UBR2: variants seen among roughly 807,000 people sequenced by gnomAD.
UBR2 encodes E3 ubiquitin-protein ligase UBR2.
UBR2 carries 92 observed loss-of-function variants against 247.9 expected under a neutral mutation model. That is an observed-to-expected ratio of 0.37 (90% CI 0.31 to 0.44). The LOEUF is 0.44. Among genes scored for constraint, UBR2 ranks in the 20% least tolerant of loss-of-function variants. UBR2 has a pLI of 1.00. For synonymous variants in UBR2, 672 were observed against 693.5 expected, an observed-to-expected ratio of 0.97 and a Z score of 0.49; for missense variants, 1,613 against 2,112.6, an observed-to-expected ratio of 0.76 and a Z score of 4.64.
chr6:42,668,157 G>C (rs566366164), intron 34 of UBR2, among the ~76,000 whole-genome samples: 3 of 152,188 alleles, frequency 2.0e-5, no homozygotes, highest in East Asian at 3.9e-4. Context: ...CAGTCAGGAG[G>C]GGGCACAGCT....
intron 1 of UBR2, among the ~76,000 whole-genome samples, chr6:42,573,077 T>C (rs1036204839): frequency 2.6e-5 from 4 of 152,110 alleles, no homozygotes; most frequent in Non-Finnish European, 5.9e-5. Flanking sequence ...CATTCAGTTA[T>C]TGAGTTGGTA....
At chr6:42,566,725 G>T (rs1336178166) in intron 1 of UBR2, among the ~76,000 whole-genome samples, 1 of 149,936 alleles carries the variant, frequency 6.7e-6, no homozygotes, top group Admixed American at 6.6e-5. Flanking sequence ...TGAACAATAA[G>T]TTTTTTTTTT....
chr6:42,688,340 A>G lies in UBR2; in HGVS notation c.4978A>G (p.Thr1660Ala), dbSNP rs775043466. 2 of 1,613,854 alleles carry G rather than the reference A, an allele frequency of 1.2e-6. No individual in the cohort carries two copies. The highest frequency in any genetic ancestry group is 2.2e-5 in the South Asian group (2 of 91,066). Residue 1660 changes from threonine (T) to alanine (A), a missense_variant, in exon 45 of 47, where the codon ACA (threonine) becomes GCA (alanine). Physicochemically the swap from Thr to Ala is moderately conservative, Grantham distance 58. Transcript: ENST00000372901. ...ELEGEDVGAC[T>A]AHTYSCGSGV... ...GGAAGGGGAGGATGTAGGAGCCTGC[A>G]CAGCTCACACCTACTCCTGTGGCTC...
intron 5 of UBR2, among the ~76,000 whole-genome samples, chr6:42,605,019 C>G (rs910190288): frequency 2.6e-5 from 4 of 151,352 alleles, no homozygotes; most frequent in Non-Finnish European, 5.9e-5. Flanking sequence ...AGAGTGAGAC[C>G]CTATCTCAAA....
intron 36 of UBR2, 137 bp downstream of exon 36, chr6:42,670,852 T>G (rs1344917943): frequency 1.6e-6 from 1 of 640,580 alleles, no homozygotes; most frequent in Non-Finnish European, 2.6e-6. Flanking sequence ...TCTGTAAGGA[T>G]ATTAAAAAGT....
In UBR2 at chr6:42,631,863, TATATATATA is replaced by T. The variant is rs1562332954; in HGVS notation, c.1282-688_1282-680del. Among the ~76,000 whole-genome samples the T allele has an allele frequency of 5.2e-3, 465 of 89,790 alleles. 2 individuals carry two copies. The highest frequency in any genetic ancestry group is 0.011 in the Admixed American group (112 of 9,884). 58.9% of individuals were successfully genotyped at this position (89,790 alleles called of 152,430 possible). On this transcript the variant is annotated intron_variant, in intron 11 of 46. Transcript: ENST00000372901. ...TTATGTAGTATATACTCTGATTTTA[TATATATATA>T]TATATATATATATATATAAATACAG...
rs554509300 is a variant in UBR2 at position 42,683,062 on chromosome 6, C to T, written c.4726C>T (p.Arg1576Cys). The T allele has an allele frequency of 3.2e-5, 52 of 1,611,714 alleles. No homozygotes were observed. Among genetic ancestry groups the T allele is most frequent in the Middle Eastern group, 3.4e-4 (2 of 5,956 alleles). ...CCTCTGTTTACATTAAAGTTGGTGC[C>T]GTAACAGTGAAGTTAAAAGATATCT... is the stretch of plus-strand genomic sequence containing the variant. ...IMNSLIESWC[R>C]NSEVKRYLEG... Residue 1576 changes from arginine (R) to cysteine (C), a missense_variant, in exon 43 of 47, where the codon CGT (arginine) becomes TGT (cysteine). Coordinates refer to ENST00000372901, the MANE Select transcript of UBR2 (RefSeq NM_001363705.2).
rs1334265902 is a variant in UBR2, at chr6:42,665,484, G to T, written c.3774G>T (p.Gln1258His). Reference sequence around the variant, plus strand: ...TATCTCAGCAAATAAAAGCATTACAGTTTCTTAGGAAAGAAGAAAGTACTC... The same window carrying T: ...TATCTCAGCAAATAAAAGCATTACATTTTCTTAGGAAAGAAGAAAGTACTC... Reference protein sequence around the residue: ...RTISQQIKALQFLRKEESTPN... With the variant: ...RTISQQIKALHFLRKEESTPN... The change falls in exon 33 of 47, where the codon CAG (glutamine) becomes CAT (histidine). Residue 1258 changes from glutamine to histidine, a missense_variant. This residue lies in a region of UBR2 where 1,524 missense variants were observed against 1,967.3 expected (regional missense o/e 0.77). Coordinates refer to ENST00000372901, the MANE Select transcript of UBR2 (RefSeq NM_001363705.2). 6.2e-7 allele frequency: 1 copy of T among 1,612,546 alleles called. No homozygotes were observed. Among genetic ancestry groups the T allele is most frequent in the Non-Finnish European group, 8.5e-7 (1 of 1,179,242 alleles).
At chr6:42,598,802 TAGTAGCTGTGTG>T (rs1297080160) in intron 4 of UBR2, among the ~76,000 whole-genome samples, 1 of 152,212 alleles carries the variant, frequency 6.6e-6, no homozygotes, top group African/African-American at 2.4e-5. Flanking sequence ...AGCCTGCCTG[TAGTAGCTGTGTG>T]AAAATTTATG....
intron 7 of UBR2, among the ~76,000 whole-genome samples, chr6:42,607,889 A>T (rs899444808): frequency 1.3e-5 from 2 of 152,060 alleles, no homozygotes; most frequent in Non-Finnish European, 2.9e-5. Flanking sequence ...ATGTAACAAG[A>T]TACATATTGA....
At position 42,564,267 on chromosome 6, in the gene UBR2, T is replaced by C; in HGVS notation, c.-53T>C. ...GCAGTCGAGGCCGCCGGGGCCGAGG[T>C]GAGGCTGCAGCTCTCCGGGCGGCGG... On this transcript the variant is annotated 5_prime_UTR_variant, in exon 1 of 47. Coordinates refer to ENST00000372901, the MANE Select transcript of UBR2 (RefSeq NM_001363705.2). The C allele has an allele frequency of 6.3e-7, 1 of 1,575,464 alleles. No individual in the cohort carries two copies. The highest frequency in any genetic ancestry group is 8.6e-7 in the Non-Finnish European group (1 of 1,161,986).
At chr6:42,644,081 A>G (rs1374487870) in intron 18 of UBR2, 133 bp from the exon 19 acceptor site, 4 of 852,866 alleles carry the variant, frequency 4.7e-6, no homozygotes, top group Non-Finnish European at 7.1e-6. Flanking sequence ...TTTTATTGGG[A>G]TTGGTGAACC....
chr6:42,639,660 C>G (rs16895872), intron 15 of UBR2, among the ~76,000 whole-genome samples: 2,866 of 152,282 alleles, frequency 0.019, 79 homozygotes, highest in African/African-American at 0.067. Flanking sequence ...GCCAGTTTTT[C>G]CGATCAGTGG....
chr6:42,686,142 G>T (rs546076949), intron 44 of UBR2, among the ~76,000 whole-genome samples: 1 of 151,588 alleles, frequency 6.6e-6, no homozygotes, highest in East Asian at 1.9e-4. Context: ...GATTTGGCAG[G>T]GTCATAGGAC....
At chr6:42,568,472 G>T (rs1790912595) in intron 1 of UBR2, among the ~76,000 whole-genome samples, 1 of 152,178 alleles carries the variant, frequency 6.6e-6, no homozygotes, top group African/African-American at 2.4e-5. Flanking sequence ...GCTCACACCT[G>T]TAATTCCAGC....
intron 11 of UBR2, chr6:42,620,088 C>T (rs1465018496): frequency 1.2e-6 from 1 of 859,776 alleles, no homozygotes; most frequent in African/African-American, 1.8e-5. Context: ...TAGGTTCTAC[C>T]AGACTCTTTT....
chr6:42,650,491 A>G lies in UBR2; in HGVS notation c.2565+105A>G, dbSNP rs938707224. ...GGCTAGAGTTTGGTGGCTATTCACAATGCCATTATAGAGCATTGCAACCTC... is the reference window on the plus strand; with the variant it reads ...GGCTAGAGTTTGGTGGCTATTCACAGTGCCATTATAGAGCATTGCAACCTC... On this transcript the variant is annotated intron_variant, in intron 23 of 46. Transcript: ENST00000372901. 6.7e-6 allele frequency: 6 copies of G among 896,734 alleles called. No individual in the cohort carries two copies. The African/African-American group carries it at 8.4e-5, about 13-fold the overall frequency. 55.5% of individuals were successfully genotyped at this position (896,734 alleles called of 1,614,324 possible).
intron 2 of UBR2, among the ~76,000 whole-genome samples, chr6:42,582,139 C>T (rs1282994670): frequency 3.3e-5 from 5 of 151,824 alleles, no homozygotes; most frequent in Non-Finnish European, 7.4e-5. Flanking sequence ...AAAAATTAGC[C>T]GGGCGTGGTG....
At chr6:42,650,693 G>A (rs1797059435) in intron 23 of UBR2, among the ~76,000 whole-genome samples, 1 of 152,080 alleles carries the variant, frequency 6.6e-6, no homozygotes, top group Non-Finnish European at 1.5e-5. Context: ...AAAATATAAA[G>A]AAGAAAGTAG....
Sources: allele counts gnomAD v4.1 joint callset (sites outside exome capture counted in the v4.1 genomes callset), GRCh38; gene constraint gnomAD v4.1.1; regional missense constraint gnomAD v4.1.1; transcripts MANE v1.5; gene names NCBI Gene and HGNC (gene_info 2026-07-23, HGNC 2026-07-21).